The following CCBE1 variants were observed in gnomAD, a reference collection of about 807,000 sequenced individuals.
CCBE1 encodes the protein collagen and calcium-binding EGF domain-containing protein 1.
In CCBE1, 37 loss-of-function variants were observed where a neutral mutation model predicts 50.0. The ratio of observed to expected loss-of-function variants is 0.74; its 90% CI spans 0.57 to 0.97. The LOEUF is 0.97. Ranked by LOEUF, CCBE1 falls within the 50% of genes least tolerant of loss-of-function variation. CCBE1 has a pLI of 0.00. For missense variants in CCBE1, 538 were observed against 523.8 expected, an observed-to-expected ratio of 1.03 and a Z score of -0.26; for synonymous variants, 234 against 203.7, an observed-to-expected ratio of 1.15 and a Z score of -1.27.
intron 2 of CCBE1, among the ~76,000 whole-genome samples, chr18:59,566,348 T>C (rs2052826744): frequency 6.6e-6 from 1 of 152,130 alleles, no homozygotes; most frequent in Non-Finnish European, 1.5e-5. Context: ...AAGGAAACAA[T>C]ATGGAGCAGG....
intron 2 of CCBE1, among the ~76,000 whole-genome samples, chr18:59,569,101 T>A (rs1463382406): frequency 6.6e-6 from 1 of 152,208 alleles, no homozygotes; most frequent in Non-Finnish European, 1.5e-5. Flanking sequence ...TTCCACTCTC[T>A]CCTTTTATTC....
intron 2 of CCBE1, among the ~76,000 whole-genome samples, chr18:59,557,401 G>T (rs2052669757): frequency 6.6e-6 from 1 of 152,004 alleles, no homozygotes. Flanking sequence ...ACATACTGAG[G>T]CAGGGAACTT....
intron 5 of CCBE1, among the ~76,000 whole-genome samples, chr18:59,464,616 A>T (rs1598922820): frequency 6.6e-6 from 1 of 152,358 alleles, no homozygotes; most frequent in South Asian, 2.1e-4. Context: ...CAAATCGCCC[A>T]ATCCTAAACT....
chr18:59,488,719 T>G (rs1279251254), intron 2 of CCBE1, among the ~76,000 whole-genome samples: 2 of 152,202 alleles, frequency 1.3e-5, no homozygotes, highest in Admixed American at 6.5e-5. Flanking sequence ...CTAACTCAAT[T>G]TCCTCATCTG....
At chr18:59,617,562 T>G (rs970657394) in intron 2 of CCBE1, among the ~76,000 whole-genome samples, 2 of 152,244 alleles carry the variant, frequency 1.3e-5, no homozygotes, top group African/African-American at 4.8e-5. Context: ...CCAGTCACAG[T>G]GCAGGAGCTT....
intron 2 of CCBE1, among the ~76,000 whole-genome samples, chr18:59,679,906 T>C (rs1599130931): frequency 1.3e-5 from 2 of 151,998 alleles, no homozygotes; most frequent in Non-Finnish European, 1.5e-5. Flanking sequence ...TGTAGGTAGG[T>C]AAGAGACATG....
chr18:59,599,104 T>C (rs558161109), intron 2 of CCBE1, among the ~76,000 whole-genome samples: 27 of 152,302 alleles, frequency 1.8e-4, no homozygotes, highest in African/African-American at 6.3e-4. Flanking sequence ...TACTACTTTT[T>C]TTCTAGTTAT....
intron 10 of CCBE1, among the ~76,000 whole-genome samples, chr18:59,437,371 C>T (rs1910206278): frequency 6.6e-6 from 1 of 152,182 alleles, no homozygotes; most frequent in Non-Finnish European, 1.5e-5. Flanking sequence ...TTGACCCTCA[C>T]AGTAGCCACT....
intron 2 of CCBE1, among the ~76,000 whole-genome samples, chr18:59,667,397 G>C (rs529936772): frequency 1.3e-5 from 2 of 152,340 alleles, no homozygotes; most frequent in East Asian, 3.8e-4. Flanking sequence ...TTTTGTGATG[G>C]AGCTGTTTAC....
At chr18:59,485,063 C>T (rs764752624) in intron 2 of CCBE1, among the ~76,000 whole-genome samples, 4 of 152,144 alleles carry the variant, frequency 2.6e-5, no homozygotes, top group Admixed American at 6.5e-5. Context: ...GGGGAAAGCT[C>T]GTGTGGATTC....
At chr18:59,616,059 C>T (rs2053633102) in intron 2 of CCBE1, among the ~76,000 whole-genome samples, 1 of 149,544 alleles carries the variant, frequency 6.7e-6, no homozygotes, top group Non-Finnish European at 1.5e-5. Flanking sequence ...GTGATGGGCG[C>T]TCTGGCCTCC....
In CCBE1 at chr18:59,432,964, T is replaced by TA. The variant is rs1190600302; in HGVS notation, c.*2943dup. On this transcript the variant is annotated 3_prime_UTR_variant, in exon 11 of 11. Transcript: ENST00000439986. ...GTGCATAGTTTTGTGTGTTTTTTTT[T>TA]AAACATTCATCCATCCACACCCTTT... 3 of 151,762 alleles carry TA rather than the reference T, an allele frequency of 2.0e-5. No individual in the cohort carries two copies. In the East Asian group the frequency reaches 5.8e-4, roughly 29 times the overall value. The allele number at this position is 151,762 out of a possible 1,614,324, so 9.4% of individuals were successfully genotyped here.
intron 2 of CCBE1, among the ~76,000 whole-genome samples, chr18:59,552,833 T>C (rs188993225): frequency 6.6e-6 from 1 of 152,214 alleles, no homozygotes; most frequent in South Asian, 2.1e-4. Context: ...GTCTTTGAAA[T>C]GAATGTTTCG....
intron 2 of CCBE1, among the ~76,000 whole-genome samples, chr18:59,674,418 A>G (rs1441856632): frequency 1.3e-5 from 2 of 152,146 alleles, no homozygotes; most frequent in Non-Finnish European, 2.9e-5. Context: ...GAGTTGAACA[A>G]TGAGAACACA....
chr18:59,599,554 A>G (rs922656375), intron 2 of CCBE1, among the ~76,000 whole-genome samples: 4 of 152,208 alleles, frequency 2.6e-5, no homozygotes, highest in African/African-American at 9.7e-5. Context: ...TCATATAGTC[A>G]CATTTCATTC....
chr18:59,573,733 A>T (rs535722205), intron 2 of CCBE1, among the ~76,000 whole-genome samples: 79 of 152,210 alleles, frequency 5.2e-4, no homozygotes, highest in South Asian at 2.3e-3. Flanking sequence ...AAATGGAGTT[A>T]TTGCTGTACT....
intron 2 of CCBE1, among the ~76,000 whole-genome samples, chr18:59,695,531 A>G (rs1433320756): frequency 1.3e-5 from 2 of 152,252 alleles, no homozygotes; most frequent in South Asian, 2.1e-4. Context: ...ATTTAAGAGC[A>G]GAAGTACGCG....
At chr18:59,442,177 C>G (rs530212051) in intron 7 of CCBE1, among the ~76,000 whole-genome samples, 1 of 152,182 alleles carries the variant, frequency 6.6e-6, no homozygotes, top group Non-Finnish European at 1.5e-5. Flanking sequence ...TATCATCAGA[C>G]AGGCACAAAA....
At chr18:59,696,577 C>T in intron 2 of CCBE1, 52 bp downstream of exon 2, 3 of 1,610,262 alleles carry the variant, frequency 1.9e-6, no homozygotes, top group Non-Finnish European at 1.7e-6. Context: ...GCCGCCTCCC[C>T]AGCCAGCCCC....
Sources: allele counts gnomAD v4.1 joint callset (sites outside exome capture counted in the v4.1 genomes callset), GRCh38; gene constraint gnomAD v4.1.1; transcripts MANE v1.5; gene names NCBI Gene and HGNC (gene_info 2026-07-23, HGNC 2026-07-21).